Variants in EFHB observed in about 807,000 individuals in gnomAD.
The protein encoded by EFHB is EF-hand domain-containing family member B.
EFHB carries 91 observed loss-of-function variants against 87.2 expected under a neutral mutation model. That is an observed-to-expected ratio of 1.04 (90% CI 0.88 to 1.24). EFHB has a LOEUF of 1.24. Among genes scored for constraint, EFHB ranks in the 50% most tolerant of loss-of-function variants. The pLI is 0.00. For missense variants in EFHB, 1,084 were observed against 998.8 expected (o/e 1.09, Z -1.15); for synonymous variants, 325 against 333.6 (o/e 0.97, Z 0.28).
At chr3:19,896,142 C>T (rs984314498) in intron 9 of EFHB, among the ~76,000 whole-genome samples, 1 of 152,062 alleles carries the variant, frequency 6.6e-6, no homozygotes, top group East Asian at 1.9e-4. Flanking sequence ...GTCAAGTCTT[C>T]CCCAGGGATC....
At chr3:19,908,586 GA>G (rs1694929700) in intron 5 of EFHB, among the ~76,000 whole-genome samples, 8 of 101,542 alleles carry the variant, frequency 7.9e-5, no homozygotes, top group Non-Finnish European at 1.2e-4. Context: ...GAGAGAGAGA[GA>G]GAGAGAGAGA....
rs2071619525 is a variant in EFHB, at chr3:19,879,511, GGC to G, written c.*118_*119del. On this transcript the variant is annotated 3_prime_UTR_variant, in exon 13 of 13. Transcript: ENST00000295824. ...ATCTAATTTATTAGCAACACATACA[GGC>G]ATATGAGTCTTACCACTGTGAACTC... The G allele has an allele frequency of 1.5e-5, 16 of 1,045,394 alleles. No individual in the cohort carries two copies. Among genetic ancestry groups the G allele is most frequent in the Non-Finnish European group, 2.1e-5 (16 of 747,888 alleles). The allele number at this position is 1,045,394 out of a possible 1,614,324, so 64.8% of individuals were successfully genotyped here.
chr3:19,939,617 C>T (rs980555457), intron 1 of EFHB, among the ~76,000 whole-genome samples: 1 of 151,954 alleles, frequency 6.6e-6, no homozygotes, highest in East Asian at 1.9e-4. Flanking sequence ...ATCTCCTGAC[C>T]TCGTGATCCG....
At chr3:19,946,357 T>A (rs1054581772) in intron 1 of EFHB, 3 of 152,258 alleles carry the variant, frequency 2.0e-5, no homozygotes, top group Non-Finnish European at 4.4e-5. Context: ...AAAATTCGAA[T>A]GTAGGGAACA....
At chr3:19,932,338 T>C (rs17180735) in intron 1 of EFHB, among the ~76,000 whole-genome samples, 20,892 of 152,214 alleles carry the variant, frequency 0.14, 1,721 homozygotes, top group Non-Finnish European at 0.19. Context: ...TTTTTACCCT[T>C]ATTAAGATCC....
chr3:19,909,690 T>TGAGGA (rs1559460693), intron 5 of EFHB, among the ~76,000 whole-genome samples: 1 of 151,944 alleles, frequency 6.6e-6, no homozygotes, highest in Non-Finnish European at 1.5e-5. Context: ...TCCTTCCGCT[T>TGAGGA]GAGGAGAGGA....
chr3:19,894,989 A>AAAAAATATATATATATAT (rs369564576), intron 9 of EFHB: 7 of 144,524 alleles, frequency 4.8e-5, no homozygotes, highest in African/African-American at 1.9e-4. Flanking sequence ...TGTCTCAAAA[A>AAAAAATATATATATATAT]ATATATATAT....
At chr3:19,901,543 C>G (rs553468129) in intron 6 of EFHB, among the ~76,000 whole-genome samples, 1 of 152,130 alleles carries the variant, frequency 6.6e-6, no homozygotes, top group African/African-American at 2.4e-5. Context: ...TAATTCATCT[C>G]GTTTCTTCAT....
At chr3:19,916,410 G>T (rs947029684) in intron 4 of EFHB, among the ~76,000 whole-genome samples, 19 of 152,042 alleles carry the variant, frequency 1.2e-4, no homozygotes, top group Admixed American at 1.3e-4. Context: ...AGCTACTCGG[G>T]GGGCTGAGGC....
At chr3:19,913,611 C>CATACTACCAA (rs1358196958) in intron 5 of EFHB, among the ~76,000 whole-genome samples, 6 of 152,176 alleles carry the variant, frequency 3.9e-5, no homozygotes, top group Non-Finnish European at 7.4e-5. Flanking sequence ...TTAAAATGTC[C>CATACTACCAA]ATACTACCAA....
chr3:19,939,202 A>G (rs1319918265), upstream of EFHB, among the ~76,000 whole-genome samples: 2 of 151,630 alleles, frequency 1.3e-5, no homozygotes, highest in South Asian at 4.2e-4. Flanking sequence ...CAACATGCCC[A>G]GCCTACTTTA....
At chr3:19,908,938 G>T (rs955263540) in intron 5 of EFHB, among the ~76,000 whole-genome samples, 11 of 151,854 alleles carry the variant, frequency 7.2e-5, no homozygotes, top group Admixed American at 1.3e-4. Flanking sequence ...ATGGATGGGG[G>T]TTAGAAAAAA....
In EFHB at chr3:19,888,469, C is replaced by G. The variant is rs1274755877; in HGVS notation, c.1908G>C (p.Glu636Asp). 1 of 1,560,598 alleles carries G rather than the reference C, an allele frequency of 6.4e-7. No homozygotes were observed. The highest frequency in any genetic ancestry group is 1.4e-5 in the African/African-American group (1 of 73,616). ...CTTTAATAATGACCCTCTCTTCATA[C>G]TCTTTAAGAAGCATTTTGTCTTTCC... ...LNWKDKMLLK[E>D]YEERVIIKGR... Residue 636 changes from glutamate (E) to aspartate (D), a missense_variant, in exon 10 of 13, where the codon GAG becomes GAC. Physicochemically the swap from Glu to Asp is conservative, Grantham distance 45 (BLOSUM62 2). Transcript: ENST00000295824.
chr3:19,907,808 CAAAT>C (rs1223836584), intron 5 of EFHB, among the ~76,000 whole-genome samples: 1 of 152,102 alleles, frequency 6.6e-6, no homozygotes, highest in Non-Finnish European at 1.5e-5. Flanking sequence ...ACTAGTAACT[CAAAT>C]AATGTAAATA....
At chr3:19,887,178 C>T (rs898363143) in intron 10 of EFHB, among the ~76,000 whole-genome samples, 2 of 151,978 alleles carry the variant, frequency 1.3e-5, no homozygotes, top group South Asian at 2.1e-4. Context: ...GCCAGGAGTT[C>T]GAGACCAGCC....
At chr3:19,908,598 G>GAGAGAGAGAGAGAGAGAGAGAGAGAGAA (rs1694937855) in intron 5 of EFHB, among the ~76,000 whole-genome samples, 2 of 77,858 alleles carry the variant, frequency 2.6e-5, no homozygotes, top group African/African-American at 1.0e-4. Flanking sequence ...GAGAGAGAGA[G>GAGAGAGAGAGAGAGAGAGAGAGAGAGAA]AGAAAGAAAG....
At chr3:19,934,440 C>CCTCTCTCT (rs146405018), upstream of EFHB, among the ~76,000 whole-genome samples, 93 of 142,338 alleles carry the variant, frequency 6.5e-4, 1 homozygote, top group Non-Finnish European at 1.1e-3. Flanking sequence ...TTGCCCTCTC[C>CCTCTCTCT]CTCTCTCTCC....
At chr3:19,904,874 AT>A (rs1694787720) in intron 6 of EFHB, among the ~76,000 whole-genome samples, 2 of 152,116 alleles carry the variant, frequency 1.3e-5, no homozygotes, top group Non-Finnish European at 2.9e-5. Flanking sequence ...CAATCTTCTG[AT>A]TTTTTTAAGC....
chr3:19,895,009 A>ATATATATATATATATATATATATAT (rs34879409), intron 9 of EFHB: 1 of 137,664 alleles, frequency 7.3e-6, no homozygotes, highest in African/African-American at 2.8e-5. Context: ...TGTATATATA[A>ATATATATATATATATATATATATAT]AAATATATAG....
Sources: gnomAD v4.1 joint callset for allele counts (sites outside exome capture counted in the v4.1 genomes callset) on GRCh38, gnomAD v4.1.1 for gene constraint, MANE v1.5 for transcripts, NCBI Gene and HGNC (gene_info 2026-07-23, HGNC 2026-07-21) for gene names.